NIPAL2: variants seen among roughly 807,000 people sequenced by gnomAD.
NIPAL2 encodes the protein NIPA-like protein 2.
In NIPAL2, 43 loss-of-function variants were observed where a neutral mutation model predicts 48.9. That is an observed-to-expected ratio of 0.88 (90% confidence interval 0.69 to 1.13). The LOEUF is 1.13. NIPAL2 is among the 50% of genes most tolerant of loss of function. The pLI, the probability that NIPAL2 is intolerant of heterozygous loss-of-function variation, is 0.00. For missense variants in NIPAL2, 446 were observed against 461.4 expected (o/e 0.97, Z 0.31); for synonymous variants, 167 against 174.6 (o/e 0.96, Z 0.34).
At chr8:98,268,622 GAAA>G (rs56795032) in intron 1 of NIPAL2, among the ~76,000 whole-genome samples, 1 of 123,990 alleles carries the variant, frequency 8.1e-6, no homozygotes. Context: ...CTGTCTCAAA[GAAA>G]AAAAAAAAAA....
intron 1 of NIPAL2, among the ~76,000 whole-genome samples, chr8:98,286,380 G>T (rs996396544): frequency 2.0e-5 from 3 of 152,182 alleles, no homozygotes; most frequent in Non-Finnish European, 4.4e-5. Context: ...CAAGCTCAGG[G>T]TGGGTCTCTG....
chr8:98,235,104 G>A (rs1812639950), intron 4 of NIPAL2, among the ~76,000 whole-genome samples: 1 of 152,098 alleles, frequency 6.6e-6, no homozygotes, highest in Admixed American at 6.5e-5. Flanking sequence ...CATGATCAGG[G>A]AAAACAAATG....
chr8:98,201,747 A>T (rs1810812076), intron 8 of NIPAL2, among the ~76,000 whole-genome samples: 1 of 152,206 alleles, frequency 6.6e-6, no homozygotes, highest in Non-Finnish European at 1.5e-5. Context: ...TTCTTAATTT[A>T]TTAACTAGCT....
chr8:98,288,755 T>C (rs1816334285), intron 1 of NIPAL2, among the ~76,000 whole-genome samples: 1 of 152,200 alleles, frequency 6.6e-6, no homozygotes, highest in Non-Finnish European at 1.5e-5. Flanking sequence ...AGATGGTATC[T>C]CATTGTGGTA....
At chr8:98,219,283 GA>G (rs1811728761) in intron 5 of NIPAL2, among the ~76,000 whole-genome samples, 1 of 152,180 alleles carries the variant, frequency 6.6e-6, no homozygotes, top group Non-Finnish European at 1.5e-5. Flanking sequence ...TCTGGATTAG[GA>G]AGTATTTCAA....
At chr8:98,225,071 T>G (rs937160978) in intron 4 of NIPAL2, among the ~76,000 whole-genome samples, 2 of 152,202 alleles carry the variant, frequency 1.3e-5, no homozygotes, top group Non-Finnish European at 2.9e-5. Context: ...TTATACTTTC[T>G]AAGTCCCTTT....
chr8:98,237,482 C>T (rs1812777606), intron 3 of NIPAL2, among the ~76,000 whole-genome samples: 2 of 152,030 alleles, frequency 1.3e-5, no homozygotes, highest in Admixed American at 6.6e-5. Context: ...CCCCTTTTCC[C>T]CTTTCCCCAT....
intron 8 of NIPAL2, among the ~76,000 whole-genome samples, chr8:98,202,603 C>T (rs1194139595): frequency 6.6e-6 from 1 of 152,196 alleles, no homozygotes; most frequent in African/African-American, 2.4e-5. Context: ...GTCTGTTCTC[C>T]CTTTGCCTTC....
chr8:98,193,308 C>T, intron 10 of NIPAL2: 2 of 1,520,996 alleles, frequency 1.3e-6, no homozygotes, highest in Non-Finnish European at 9.1e-7. Context: ...CCACTATCCC[C>T]ACCCCACAGG....
At chr8:98,225,262 AT>A (rs1218522652) in intron 4 of NIPAL2, among the ~76,000 whole-genome samples, 3 of 152,198 alleles carry the variant, frequency 2.0e-5, no homozygotes, top group Non-Finnish European at 4.4e-5. Context: ...TGTCATTTAT[AT>A]TTATGTGATT....
intron 1 of NIPAL2, among the ~76,000 whole-genome samples, chr8:98,288,205 A>C (rs1586498009): frequency 1.0e-5 from 1 of 99,880 alleles, no homozygotes; most frequent in East Asian, 3.3e-4. Context: ...CCCACCCCAC[A>C]ACAGTCCCCA....
chr8:98,214,540 C>T (rs796561678), intron 5 of NIPAL2, among the ~76,000 whole-genome samples: 1 of 151,846 alleles, frequency 6.6e-6, no homozygotes, highest in Non-Finnish European at 1.5e-5. Context: ...TAACAGCAGA[C>T]AGTACCATCA....
At chr8:98,253,819 AT>A (rs1813728006) in intron 2 of NIPAL2, among the ~76,000 whole-genome samples, 199 bp downstream of exon 2, 1 of 152,214 alleles carries the variant, frequency 6.6e-6, no homozygotes, top group South Asian at 2.1e-4. Context: ...TTCTTTTAAA[AT>A]CAGAAGAAGA....
chr8:98,253,018 C>T (rs763621473), intron 2 of NIPAL2, among the ~76,000 whole-genome samples: 6 of 152,000 alleles, frequency 3.9e-5, no homozygotes, highest in Non-Finnish European at 5.9e-5. Flanking sequence ...TTTTGTCCAA[C>T]GTATCCATGC....
chr8:98,203,255 A>T (rs566152002), intron 7 of NIPAL2, 59 bp from the exon 8 acceptor site: 43 of 1,214,678 alleles, frequency 3.5e-5, no homozygotes, highest in Admixed American at 1.2e-4. Flanking sequence ...CAATAAGTTA[A>T]CAATAACTTC....
rs906454474 is a variant in NIPAL2, at chr8:98,242,496, T to G, written c.377-6282A>C. ...GCCACTGCACCTGACAGATTTTTTTTTTTTTTTTTTTAACTGAGCCTGGCT... is the reference window on the plus strand; with the variant it reads ...GCCACTGCACCTGACAGATTTTTTTGTTTTTTTTTTTAACTGAGCCTGGCT... On this transcript the variant is annotated intron_variant, in intron 3 of 10. Transcript: ENST00000430223. Among the ~76,000 whole-genome samples the G allele has an allele frequency of 5.4e-5, 8 of 148,152 alleles. 1 individual carries two copies. The South Asian group carries it at 6.5e-4, about 12-fold the overall frequency.
At chr8:98,292,924 C>T (rs1816568538) in intron 1 of NIPAL2, among the ~76,000 whole-genome samples, 2 of 151,906 alleles carry the variant, frequency 1.3e-5, no homozygotes, top group Admixed American at 1.3e-4. Flanking sequence ...CTCTGAGTAC[C>T]CTCATTTTTC....
intron 3 of NIPAL2, 79 bp downstream of exon 3, chr8:98,252,384 T>C (rs1296800162): frequency 4.5e-6 from 6 of 1,347,464 alleles, no homozygotes; most frequent in Non-Finnish European, 6.0e-6. Context: ...CTTTGGTGCA[T>C]TTGTTGTTTC....
chr8:98,272,255 C>G (rs1815181610), intron 1 of NIPAL2, among the ~76,000 whole-genome samples: 1 of 152,138 alleles, frequency 6.6e-6, no homozygotes, highest in African/African-American at 2.4e-5. Context: ...GATGTTAACT[C>G]TTTTCTTACT....
Sources: allele counts gnomAD v4.1 joint callset (sites outside exome capture counted in the v4.1 genomes callset), GRCh38; gene constraint gnomAD v4.1.1; transcripts MANE v1.5; gene names NCBI Gene and HGNC (gene_info 2026-07-23, HGNC 2026-07-21).